The following ADAM9 variants were observed in gnomAD, a reference collection of about 807,000 sequenced individuals.
The protein encoded by ADAM9 is disintegrin and metalloproteinase domain-containing protein 9.
A neutral mutation model predicts 108.1 loss-of-function variants in ADAM9; 54 were observed. The ratio of observed to expected loss-of-function variants is 0.50; its 90% CI spans 0.40 to 0.63. The LOEUF is 0.63. ADAM9 is among the 20% of genes least tolerant of loss of function. ADAM9 has a pLI of 0.00. For missense variants in ADAM9, 830 were observed against 997.7 expected (o/e 0.83, Z 2.26); for synonymous variants, 316 against 336.0 (o/e 0.94, Z 0.65).
At chr8:39,051,013 C>G (rs1837942653) in intron 12 of ADAM9, among the ~76,000 whole-genome samples, 1 of 151,852 alleles carries the variant, frequency 6.6e-6, no homozygotes, top group East Asian at 1.9e-4. Flanking sequence ...TTGGGTAGCT[C>G]CTAGAAAAAT....
chr8:39,017,022 G>A (rs905082798), intron 5 of ADAM9, 197 bp from the exon 6 acceptor site: 8 of 592,420 alleles, frequency 1.4e-5, no homozygotes, highest in African/African-American at 3.7e-5. Flanking sequence ...AGGCAGTGAC[G>A]CTGCTAAGTA....
rs757068227 is a variant in ADAM9 at position 39,090,170 on chromosome 8, A to G, written c.2192A>G (p.Lys731Arg). Reference sequence around the variant, plus strand: ...CTGTGGAGAAGCTACTTCAGAAAGAAGAGATCACAAACATATGAGTACTTA... The same window carrying G: ...CTGTGGAGAAGCTACTTCAGAAAGAGGAGATCACAAACATATGAGTACTTA... ...DQLWRSYFRK[K>R]RSQTYESDGK... Residue 731 changes from lysine (K) to arginine (R), a missense_variant, in exon 19 of 22, where the codon AAG (lysine) becomes AGG (arginine). Lys to Arg is a conservative substitution (Grantham distance 26). Coordinates refer to ENST00000487273, the MANE Select transcript of ADAM9 (RefSeq NM_003816.3). The G allele has an allele frequency of 2.2e-5, 35 of 1,613,670 alleles. No homozygotes were observed. Among genetic ancestry groups the G allele is most frequent in the Non-Finnish European group, 2.8e-5 (33 of 1,179,814 alleles).
rs542789587 is a variant in ADAM9 at position 38,997,106 on chromosome 8, C to T, written c.43C>T (p.Arg15Trp). ...CTTTCCCTCGGGGACCCTTCGTGTCCGGTGGTTGCTGTTGCTTGGCCTGGT... is the reference window on the plus strand; with the variant it reads ...CTTTCCCTCGGGGACCCTTCGTGTCTGGTGGTTGCTGTTGCTTGGCCTGGT... ...ARFPSGTLRV[R>W]WLLLLGLVGP... is the part of the protein sequence containing the mutation. Residue 15 changes from arginine (R) to tryptophan (W), a missense_variant, in exon 1 of 22, where the codon CGG becomes TGG. Coordinates refer to ENST00000487273, the MANE Select transcript of ADAM9 (RefSeq NM_003816.3). 4 of 1,606,078 alleles carry T rather than the reference C, an allele frequency of 2.5e-6. No homozygotes were observed. The highest frequency in any genetic ancestry group is 3.4e-6 in the Non-Finnish European group (4 of 1,179,564).
chr8:39,011,409 A>G (rs1033946900), intron 2 of ADAM9, among the ~76,000 whole-genome samples: 2 of 152,208 alleles, frequency 1.3e-5, no homozygotes, highest in Admixed American at 1.3e-4. Context: ...GCTGAATTAG[A>G]AATGAATTTA....
intron 14 of ADAM9, among the ~76,000 whole-genome samples, chr8:39,060,179 A>G (rs1158316732): frequency 6.6e-6 from 1 of 152,142 alleles, no homozygotes; most frequent in African/African-American, 2.4e-5. Context: ...TCAAAAGGAG[A>G]GTAGTTATTC....
chr8:39,029,232 CTG>C (rs1837024418), intron 11 of ADAM9, among the ~76,000 whole-genome samples: 1 of 149,758 alleles, frequency 6.7e-6, no homozygotes, highest in Admixed American at 6.7e-5. Context: ...TGGAGAGTCT[CTG>C]TAGCCACAGG....
At chr8:39,073,220 C>T (rs987707278) in intron 15 of ADAM9, among the ~76,000 whole-genome samples, 5 of 152,212 alleles carry the variant, frequency 3.3e-5, no homozygotes, top group African/African-American at 1.2e-4. Context: ...CTATGGTGTA[C>T]GTGTGTTATA....
chr8:39,032,435 T>C (rs908025830), intron 11 of ADAM9, among the ~76,000 whole-genome samples: 1 of 152,216 alleles, frequency 6.6e-6, no homozygotes, highest in African/African-American at 2.4e-5. Flanking sequence ...CCTGCTGCCC[T>C]AGCAGTGAGC....
intron 16 of ADAM9, 136 bp from the exon 17 acceptor site, chr8:39,082,505 A>T (rs921203047): frequency 1.7e-5 from 11 of 638,104 alleles, no homozygotes; most frequent in Admixed American, 3.1e-5. Context: ...TAAAAATATA[A>T]TATGGGAATT....
At chr8:39,023,667 A>G (rs953987903) in intron 9 of ADAM9, among the ~76,000 whole-genome samples, 2 of 150,512 alleles carry the variant, frequency 1.3e-5, no homozygotes, top group Non-Finnish European at 3.0e-5. Context: ...AATTATCTCA[A>G]TTTGAGTTCT....
intron 11 of ADAM9, among the ~76,000 whole-genome samples, chr8:39,030,394 C>T (rs1837060407): frequency 6.6e-6 from 1 of 152,166 alleles, no homozygotes; most frequent in Non-Finnish European, 1.5e-5. Flanking sequence ...TAGCAATATG[C>T]ATTTAAGGCT....
chr8:39,063,789 C>G (rs1044968185), intron 14 of ADAM9, among the ~76,000 whole-genome samples: 8 of 152,162 alleles, frequency 5.3e-5, no homozygotes, highest in Non-Finnish European at 1.0e-4. Flanking sequence ...AGTCTCCCCA[C>G]ATGTCCTCAT....
At position 39,018,933 on chromosome 8, in the gene ADAM9, A is replaced by T. The variant is rs1836639295; in HGVS notation, c.672+15A>T. 4 of 1,613,298 alleles carry T rather than the reference A, an allele frequency of 2.5e-6. No individual in the cohort carries two copies. The highest frequency in any genetic ancestry group is 2.5e-6 in the Non-Finnish European group (3 of 1,179,370). ...ACAAGGAAAGGGTAAGATTGGTGAC[A>T]ATTTTTCTTCTTTTCCATGAAAAGG... On this transcript the variant is annotated intron_variant, in intron 7 of 21. Transcript: ENST00000487273.
chr8:39,020,091 C>T (rs1836685409), intron 7 of ADAM9, among the ~76,000 whole-genome samples: 1 of 152,228 alleles, frequency 6.6e-6, no homozygotes, highest in Non-Finnish European at 1.5e-5. Flanking sequence ...TGATACCATC[C>T]TGGCTAACAC....
In ADAM9 at chr8:39,032,363, C is replaced by T. The variant is rs192823782; in HGVS notation, c.1130+5553C>T. 1.1e-3 allele frequency among the ~76,000 whole-genome samples: 167 copies of T among 152,388 alleles called. 1 individual carries two copies. The highest frequency in any genetic ancestry group is 3.7e-3 in the African/African-American group (155 of 41,594). ...TCCCTGGCTGCTTTGTTTACCTACT[C>T]AAGCCTCAGCAATGGCAGACGCCCC... On this transcript the variant is annotated intron_variant, in intron 11 of 21. Transcript: ENST00000487273.
intron 6 of ADAM9, among the ~76,000 whole-genome samples, chr8:39,017,815 A>T (rs1199194033): frequency 2.6e-5 from 4 of 151,582 alleles, no homozygotes; most frequent in Non-Finnish European, 5.9e-5. Flanking sequence ...CTGGTCTTGA[A>T]CCCCTGGTAT....
At chr8:39,045,135 CATATATGTGT>C (rs1837630000) in intron 12 of ADAM9, among the ~76,000 whole-genome samples, 1 of 67,962 alleles carries the variant, frequency 1.5e-5, no homozygotes, top group East Asian at 3.7e-4. Context: ...TGCATACATA[CATATATGTGT>C]ATATATGTGT....
In ADAM9 at chr8:39,012,794, C is replaced by T. The variant is rs370568479; in HGVS notation, c.254+1078C>T. On this transcript the variant is annotated intron_variant, in intron 3 of 21. Coordinates refer to ENST00000487273, the MANE Select transcript of ADAM9 (RefSeq NM_003816.3). ...GGGAACATCACACACCAGGGCCTGT[C>T]GTGGGGTAGGGGGAGTGGGGAGGGA... Among the ~76,000 whole-genome samples, 44 of 151,914 alleles carry T rather than the reference C, an allele frequency of 2.9e-4. 1 individual carries two copies. In the South Asian group the frequency reaches 3.7e-3, roughly 13 times the overall value.
chr8:38,997,541 C>G (rs779901191), intron 1 of ADAM9, among the ~76,000 whole-genome samples: 8 of 152,310 alleles, frequency 5.3e-5, no homozygotes, highest in Middle Eastern at 3.4e-3. Flanking sequence ...CGCGGGCGTT[C>G]AGTCCTCCAA....
Sources: allele counts gnomAD v4.1 joint callset (sites outside exome capture counted in the v4.1 genomes callset), GRCh38; gene constraint gnomAD v4.1.1; transcripts MANE v1.5; gene names NCBI Gene and HGNC (gene_info 2026-07-23, HGNC 2026-07-21).